The following MTUS1 variants were observed in gnomAD, a reference collection of about 807,000 sequenced individuals.
MTUS1 encodes microtubule associated scaffold protein 1, also known as microtubule-associated tumor suppressor 1.
MTUS1 carries 109 observed loss-of-function variants against 120.8 expected under a neutral mutation model. That is an observed-to-expected ratio of 0.90 (90% CI 0.77 to 1.06). The LOEUF is 1.06. MTUS1 is among the 50% of genes least tolerant of loss of function. The pLI is 0.00. For missense variants in MTUS1, 2,210 were observed against 1,486.3 expected, an observed-to-expected ratio of 1.49 and a Z score of -8.01; for synonymous variants, 737 against 550.5, an observed-to-expected ratio of 1.34 and a Z score of -4.74.
chr8:17,755,935 T>C lies in MTUS1; in HGVS notation c.-128A>G. Reference sequence around the variant, plus strand: ...TTGAAAGGTTTTCAGTCTAAGATGCTCTGAAGATTAAATGATTTGTTGTTC... The same window carrying C: ...TTGAAAGGTTTTCAGTCTAAGATGCCCTGAAGATTAAATGATTTGTTGTTC... On this transcript the variant is annotated 5_prime_UTR_variant, in exon 2 of 15. Transcript: ENST00000693296. The C allele has an allele frequency of 7.0e-7, 1 of 1,438,700 alleles. No individual in the cohort carries two copies. Among genetic ancestry groups the C allele is most frequent in the Non-Finnish European group, 9.1e-7 (1 of 1,101,896 alleles). 89.1% of individuals were successfully genotyped at this position (1,438,700 alleles called of 1,614,324 possible). A position where few individuals can be genotyped will look rare whatever the true frequency, so the allele number is the denominator to read the frequency against.
chr8:17,718,370 T>C (rs77282862), intron 4 of MTUS1, among the ~76,000 whole-genome samples: 1,632 of 152,332 alleles, frequency 0.011, 29 homozygotes, highest in African/African-American at 0.037. Flanking sequence ...TAAAATATCC[T>C]AGTTCTGGTG....
intron 1 of MTUS1, among the ~76,000 whole-genome samples, chr8:17,796,511 G>C (rs180682390): frequency 1.3e-5 from 2 of 152,216 alleles, no homozygotes; most frequent in African/African-American, 4.8e-5. Flanking sequence ...TTCCTTGATT[G>C]TGTAACATTT....
intron 1 of MTUS1, among the ~76,000 whole-genome samples, chr8:17,756,800 A>G (rs896253246): frequency 3.9e-5 from 6 of 152,104 alleles, no homozygotes; most frequent in African/African-American, 1.4e-4. Context: ...AAGTGACACC[A>G]GAATGCTCTC....
At chr8:17,770,712 T>C (rs1339910050) in intron 1 of MTUS1, 2 of 152,168 alleles carry the variant, frequency 1.3e-5, no homozygotes, top group African/African-American at 4.8e-5. Flanking sequence ...ACTAAAGAAT[T>C]TTCCTTGGAC....
chr8:17,694,021 CCTATTT>C (rs1326082949), intron 6 of MTUS1, among the ~76,000 whole-genome samples: 1 of 152,208 alleles, frequency 6.6e-6, no homozygotes, highest in Non-Finnish European at 1.5e-5. Flanking sequence ...CAAAACTGTT[CCTATTT>C]GGCTACTTTT....
At chr8:17,742,304 T>C (rs866194133) in intron 3 of MTUS1, among the ~76,000 whole-genome samples, 32 of 144,790 alleles carry the variant, frequency 2.2e-4, no homozygotes, top group African/African-American at 7.7e-4. Context: ...TTTTTTTTTT[T>C]TTTTTTTAGA....
chr8:17,678,116 G>A (rs971839044), intron 7 of MTUS1, among the ~76,000 whole-genome samples: 2 of 152,106 alleles, frequency 1.3e-5, no homozygotes, highest in Admixed American at 1.3e-4. Flanking sequence ...TGCCCATACT[G>A]TAAAAGACAC....
intron 3 of MTUS1, among the ~76,000 whole-genome samples, chr8:17,727,042 C>T (rs1396244415): frequency 6.6e-6 from 1 of 152,102 alleles, no homozygotes; most frequent in Non-Finnish European, 1.5e-5. Context: ...GAAAGCTTAC[C>T]CCGGCAACCA....
chr8:17,744,321 G>A (rs983614766), intron 2 of MTUS1, among the ~76,000 whole-genome samples: 9 of 152,260 alleles, frequency 5.9e-5, no homozygotes, highest in Non-Finnish European at 1.0e-4. Flanking sequence ...AGGCGGCCAC[G>A]TATGAGATTT....
intron 4 of MTUS1, among the ~76,000 whole-genome samples, chr8:17,719,704 G>T (rs968201781): frequency 3.3e-5 from 5 of 152,032 alleles, no homozygotes; most frequent in African/African-American, 1.2e-4. Context: ...TCCTACAGGC[G>T]AATTCTTATC....
At chr8:17,652,166 G>GA (rs1807148480) in intron 12 of MTUS1, among the ~76,000 whole-genome samples, 1 of 152,178 alleles carries the variant, frequency 6.6e-6, no homozygotes, top group Admixed American at 6.5e-5. Context: ...AAGCAGCAAG[G>GA]AAACAAATTT....
chr8:17,647,259 G>T (rs1806012235), intron 13 of MTUS1, 180 bp from the exon 14 acceptor site: 1 of 541,054 alleles, frequency 1.8e-6, no homozygotes, highest in Non-Finnish European at 3.2e-6. Flanking sequence ...GCAAAACAGA[G>T]CGGCTGGGTA....
chr8:17,764,254 T>C (rs1198893232), intron 1 of MTUS1, among the ~76,000 whole-genome samples: 1 of 152,164 alleles, frequency 6.6e-6, no homozygotes, highest in Non-Finnish European at 1.5e-5. Context: ...CTACAAATCC[T>C]TGGGGATACA....
chr8:17,668,917 A>G (rs1811456713), intron 8 of MTUS1, among the ~76,000 whole-genome samples: 2 of 152,206 alleles, frequency 1.3e-5, no homozygotes, highest in African/African-American at 4.8e-5. Context: ...CGGTTTATAG[A>G]AAAACATTTG....
rs764815294 is a variant in MTUS1 at position 17,715,828 on chromosome 8, G to C, written c.2523C>G (p.Ser841=). Residue 841 remains serine, a synonymous_variant, in exon 5 of 15, where the codon TCC becomes TCG. Transcript: ENST00000693296. Reference sequence around the variant, plus strand: ...TGGATACCAAAGGCTTCAAATAAAAGGATCCTGAGGAACCATTCTGAAATG... The same window carrying C: ...TGGATACCAAAGGCTTCAAATAAAACGATCCTGAGGAACCATTCTGAAATG... The part of the protein sequence containing the change: ...KPAFQNGSSG[S]FYLKPLVSRA... 6 of 1,613,998 alleles carry C rather than the reference G, an allele frequency of 3.7e-6. 1 individual carries two copies. The South Asian group carries it at 6.6e-5, about 18-fold the overall frequency.
intron 6 of MTUS1, among the ~76,000 whole-genome samples, chr8:17,696,082 TC>T (rs1461338037): frequency 2.0e-5 from 3 of 152,108 alleles, no homozygotes; most frequent in Non-Finnish European, 4.4e-5. Context: ...TTGTTATTTT[TC>T]CCCCCTATTA....
rs1181404018 is a variant in MTUS1, at chr8:17,713,207, C to G, written c.2623+7G>C. 1 of 1,594,122 alleles carries G rather than the reference C, an allele frequency of 6.3e-7. No homozygotes were observed. Among genetic ancestry groups the G allele is most frequent in the Non-Finnish European group, 8.6e-7 (1 of 1,165,404 alleles). ...TTTTTATCGCCATCCATAAAGTGGTCACTCACCTGCATTAAGAGCTGTAAA... is the reference window on the plus strand; with the variant it reads ...TTTTTATCGCCATCCATAAAGTGGTGACTCACCTGCATTAAGAGCTGTAAA... On this transcript the variant is annotated splice_region_variant and intron_variant, in intron 6 of 14. Coordinates refer to ENST00000693296, the MANE Select transcript of MTUS1 (RefSeq NM_001363059.2).
intron 5 of MTUS1, among the ~76,000 whole-genome samples, chr8:17,715,305 A>G (rs1822107796): frequency 6.6e-6 from 1 of 152,180 alleles, no homozygotes. Context: ...CCTGAAAATT[A>G]CTTTTCATAA....
intron 1 of MTUS1, among the ~76,000 whole-genome samples, chr8:17,760,210 A>G (rs1351152712): frequency 6.6e-6 from 1 of 151,948 alleles, no homozygotes; most frequent in Non-Finnish European, 1.5e-5. Context: ...GGACCCTATC[A>G]CTATTAAAAG....
Sources: gnomAD v4.1 joint callset for allele counts (sites outside exome capture counted in the v4.1 genomes callset) on GRCh38, gnomAD v4.1.1 for gene constraint, MANE v1.5 for transcripts, NCBI Gene and HGNC (gene_info 2026-07-23, HGNC 2026-07-21) for gene names.